Variants in HDAC4 observed in about 807,000 individuals in gnomAD.
HDAC4 encodes the protein histone deacetylase A.
Under a neutral mutation model 135.1 loss-of-function variants are expected in HDAC4, and 16 were observed. The ratio of observed to expected loss-of-function variants is 0.12; its 90% CI spans 0.08 to 0.18. The LOEUF (loss-of-function observed/expected upper bound fraction) is 0.18. HDAC4 is among the 10% of genes least tolerant of loss of function. The pLI, the probability that HDAC4 is intolerant of heterozygous loss-of-function variation, is 1.00. For missense variants in HDAC4, 1,143 were observed against 1,511.8 expected, an observed-to-expected ratio of 0.76 and a Z score of 4.05; for synonymous variants, 685 against 653.4, an observed-to-expected ratio of 1.05 and a Z score of -0.74.
intron 26 of HDAC4, 52 bp downstream of exon 26, chr2:239,053,408 G>A (rs2031201691): frequency 2.5e-6 from 4 of 1,597,536 alleles, no homozygotes; most frequent in Non-Finnish European, 3.4e-6. Context: ...TGTGTCAGTG[G>A]GCACAGTGGG....
At chr2:239,066,000 G>C (rs1336750074) in intron 24 of HDAC4, among the ~76,000 whole-genome samples, 2 of 152,216 alleles carry the variant, frequency 1.3e-5, no homozygotes, top group Non-Finnish European at 2.9e-5. Context: ...CTTGGAGGTG[G>C]ATATGACATT....
intron 15 of HDAC4, 134 bp from the exon 16 acceptor site, chr2:239,103,030 T>C: frequency 9.2e-7 from 1 of 1,081,360 alleles, no homozygotes. Context: ...TGTTATTTGG[T>C]TACTGCAAAA....
At chr2:239,355,339 T>TG (rs1242898163) in intron 1 of HDAC4, among the ~76,000 whole-genome samples, 1 of 152,368 alleles carries the variant, frequency 6.6e-6, no homozygotes, top group East Asian at 1.9e-4. Flanking sequence ...ACACATCTGT[T>TG]GTTTATTCTG....
intron 21 of HDAC4, among the ~76,000 whole-genome samples, chr2:239,081,481 C>T (rs113937447): frequency 1.4e-4 from 22 of 152,374 alleles, no homozygotes; most frequent in South Asian, 2.1e-4. Flanking sequence ...GCGGACCCGC[C>T]GCCCTGTGTT....
intron 2 of HDAC4, among the ~76,000 whole-genome samples, chr2:239,343,334 T>C (rs1692415757): frequency 6.6e-6 from 1 of 152,250 alleles, no homozygotes; most frequent in African/African-American, 2.4e-5. Flanking sequence ...CGCTTGGTTA[T>C]GCCAATCACC....
chr2:239,180,402 A>C (rs561942560), intron 4 of HDAC4, among the ~76,000 whole-genome samples: 9 of 151,458 alleles, frequency 5.9e-5, no homozygotes, highest in Admixed American at 5.9e-4. Context: ...GCCGGTTTCC[A>C]CGACCACCCA....
At chr2:239,206,197 GC>G (rs2046035051) in intron 3 of HDAC4, among the ~76,000 whole-genome samples, 2 of 152,124 alleles carry the variant, frequency 1.3e-5, no homozygotes, top group Admixed American at 6.6e-5. Flanking sequence ...GTGTGGTGGT[GC>G]ATGCCTGTGG....
At chr2:239,080,398 C>T (rs917011160) in intron 22 of HDAC4, among the ~76,000 whole-genome samples, 2 of 152,230 alleles carry the variant, frequency 1.3e-5, no homozygotes, top group Admixed American at 6.5e-5. Context: ...CTCTGGGAAC[C>T]GATGTGGGCT....
chr2:239,295,066 G>C (rs911473845), intron 2 of HDAC4, among the ~76,000 whole-genome samples: 2 of 152,100 alleles, frequency 1.3e-5, no homozygotes, highest in Non-Finnish European at 2.9e-5. Context: ...CCAGCACTTT[G>C]GGAGGCCGAG....
At chr2:239,248,955 C>T (rs1176209411) in intron 2 of HDAC4, among the ~76,000 whole-genome samples, 1 of 152,256 alleles carries the variant, frequency 6.6e-6, no homozygotes, top group Non-Finnish European at 1.5e-5. Context: ...TAAGTCCCTG[C>T]ACCCCAAACT....
chr2:239,235,955 G>A (rs539562452), intron 3 of HDAC4, among the ~76,000 whole-genome samples: 26 of 152,274 alleles, frequency 1.7e-4, no homozygotes, highest in African/African-American at 5.5e-4. Context: ...CAGGAGAATC[G>A]CTTGAACCCG....
intron 2 of HDAC4, chr2:239,298,347 C>A: frequency 8.3e-7 from 1 of 1,204,268 alleles, no homozygotes. Flanking sequence ...GAAGATGCTT[C>A]CAGAACCTGA....
At chr2:239,062,209 C>A (rs1246499277) in intron 24 of HDAC4, among the ~76,000 whole-genome samples, 1 of 152,300 alleles carries the variant, frequency 6.6e-6, no homozygotes, top group Admixed American at 6.5e-5. Context: ...GGCCTCCAGA[C>A]CTACGCGCTG....
At chr2:239,085,049 C>CAG (rs1559395572) in intron 19 of HDAC4, among the ~76,000 whole-genome samples, 1 of 150,836 alleles carries the variant, frequency 6.6e-6, no homozygotes, top group African/African-American at 2.4e-5. Flanking sequence ...CAGACACACA[C>CAG]ACACACACAC....
At chr2:239,147,815 C>T (rs550020603) in intron 7 of HDAC4, among the ~76,000 whole-genome samples, 4 of 152,384 alleles carry the variant, frequency 2.6e-5, no homozygotes, top group East Asian at 1.9e-4. Flanking sequence ...GGCGATACAA[C>T]ATTCCAATCA....
chr2:239,368,573 G>T (rs1694386306), intron 1 of HDAC4, among the ~76,000 whole-genome samples: 1 of 152,196 alleles, frequency 6.6e-6, no homozygotes, highest in Admixed American at 6.5e-5. Flanking sequence ...TAACAGGGGG[G>T]TACAAGTGAA....
intron 2 of HDAC4, among the ~76,000 whole-genome samples, chr2:239,253,370 G>A (rs1559288444): frequency 6.6e-6 from 1 of 152,224 alleles, no homozygotes. Context: ...TGTTATGACC[G>A]ATGTCACATC....
At position 239,381,556 on chromosome 2, in the gene HDAC4, C is replaced by T. The variant is rs1559398062; in HGVS notation, c.-220+19422G>A. 2.0e-5 allele frequency among the ~76,000 whole-genome samples: 3 copies of T among 152,172 alleles called. No individual in the cohort carries two copies. The South Asian group carries it at 6.2e-4, about 32-fold the overall frequency. ...GTATGTAACTTGTCCCAAGAGTTTT[C>T]AAAATTACTATTTAAGTTCTATGAC... On this transcript the variant is annotated intron_variant, in intron 1 of 26. Coordinates refer to ENST00000543185, the MANE Select transcript of HDAC4 (RefSeq NM_001378414.1).
At chr2:239,250,437 T>C (rs1190102671) in intron 2 of HDAC4, among the ~76,000 whole-genome samples, 2 of 152,178 alleles carry the variant, frequency 1.3e-5, no homozygotes, top group Non-Finnish European at 2.9e-5. Flanking sequence ...ATTCAGATAG[T>C]CCAGGGCCCC....
Sources: allele counts gnomAD v4.1 joint callset (sites outside exome capture counted in the v4.1 genomes callset), GRCh38; gene constraint gnomAD v4.1.1; transcripts MANE v1.5; gene names NCBI Gene and HGNC (gene_info 2026-07-23, HGNC 2026-07-21).